GRIA2: variants seen among roughly 807,000 people sequenced by gnomAD.
The protein encoded by GRIA2 is glutamate receptor 2.
Under a neutral mutation model 97.3 loss-of-function variants are expected in GRIA2, and 14 were observed. The observed-to-expected ratio is 0.14, with a 90% CI of 0.10 to 0.23. GRIA2 has a LOEUF of 0.23. Among genes scored for constraint, GRIA2 ranks in the 10% least tolerant of loss-of-function variants. The pLI is 1.00. For synonymous variants in GRIA2, 412 were observed against 387.8 expected (o/e 1.06, Z -0.73); for missense variants, 558 against 1,069.8 (o/e 0.52, Z 6.67).
At chr4:157,265,894 A>C (rs1321138236) in intron 2 of GRIA2, among the ~76,000 whole-genome samples, 1 of 152,134 alleles carries the variant, frequency 6.6e-6, no homozygotes, top group Non-Finnish European at 1.5e-5. Context: ...ACTTTGGAGA[A>C]AAGAGTGAAA....
intron 2 of GRIA2, among the ~76,000 whole-genome samples, chr4:157,277,759 A>G (rs561583828): frequency 6.7e-6 from 1 of 149,860 alleles, no homozygotes; most frequent in South Asian, 2.1e-4. Flanking sequence ...GCAATTAAAA[A>G]TACAACCCCC....
chr4:157,222,350 T>C (rs7659862), intron 2 of GRIA2, among the ~76,000 whole-genome samples: 147,264 of 152,306 alleles, frequency 0.97, 71,235 homozygotes, highest in East Asian at 1. Context: ...GCGAGCTCCA[T>C]GTTCTCCTCT....
At chr4:157,313,836 A>G (rs1228816052) in intron 4 of GRIA2, among the ~76,000 whole-genome samples, 1 of 152,140 alleles carries the variant, frequency 6.6e-6, no homozygotes, top group African/African-American at 2.4e-5. Flanking sequence ...ACCATTGACC[A>G]GAAGCCTTAC....
chr4:157,330,753 T>A (rs989343473), intron 6 of GRIA2, among the ~76,000 whole-genome samples: 1 of 151,960 alleles, frequency 6.6e-6, no homozygotes, highest in Admixed American at 6.6e-5. Context: ...ACGATTTCCC[T>A]GATTTTTTCT....
At chr4:157,259,203 G>A (rs1289388116) in intron 2 of GRIA2, among the ~76,000 whole-genome samples, 2 of 152,098 alleles carry the variant, frequency 1.3e-5, no homozygotes, top group East Asian at 3.9e-4. Flanking sequence ...ACTCCAGCCT[G>A]GGAAACACAG....
chr4:157,237,937 GT>G (rs1730327429), intron 2 of GRIA2, among the ~76,000 whole-genome samples: 1 of 152,082 alleles, frequency 6.6e-6, no homozygotes, highest in South Asian at 2.1e-4. Context: ...TTACGATTAT[GT>G]CTTGGTTCTT....
chr4:157,249,116 T>C (rs1730911941), intron 2 of GRIA2, among the ~76,000 whole-genome samples: 1 of 152,106 alleles, frequency 6.6e-6, no homozygotes, highest in Admixed American at 6.6e-5. Context: ...ATTAAAGGCA[T>C]GAGCCATCAC....
At chr4:157,323,523 G>A (rs943805046) in intron 6 of GRIA2, among the ~76,000 whole-genome samples, 2 of 151,802 alleles carry the variant, frequency 1.3e-5, no homozygotes, top group South Asian at 2.1e-4. Flanking sequence ...GCAGGCTTCC[G>A]TCCATTCAGA....
chr4:157,356,141 A>G (rs1265369323), intron 12 of GRIA2, among the ~76,000 whole-genome samples: 3 of 126,974 alleles, frequency 2.4e-5, no homozygotes, highest in African/African-American at 9.2e-5. Context: ...ATATTTATAT[A>G]TTTATATTTA....
At chr4:157,251,719 T>G (rs757067919) in intron 2 of GRIA2, among the ~76,000 whole-genome samples, 1 of 152,128 alleles carries the variant, frequency 6.6e-6, no homozygotes, top group Non-Finnish European at 1.5e-5. Flanking sequence ...TGGCAGAGAC[T>G]ACTACAATAA....
chr4:157,220,373 C>T (rs1729428684), upstream of GRIA2: 1 of 152,222 alleles, frequency 6.6e-6, no homozygotes, highest in South Asian at 2.1e-4. Context: ...GAAGGTAGCT[C>T]CGGGCGGGGA....
At position 157,280,522 on chromosome 4, in the gene GRIA2, G is replaced by T. The variant is rs146500291; in HGVS notation, c.230-23030G>T. On this transcript the variant is annotated intron_variant, in intron 2 of 15. Coordinates refer to ENST00000264426, the MANE Select transcript of GRIA2 (RefSeq NM_001083619.3). ...CAGCTATTTGATTTCTCATGATTGT[G>T]TGGTAAGTTGTGAGTTTCTTCAACT... 6.2e-3 allele frequency among the ~76,000 whole-genome samples: 947 copies of T among 152,218 alleles called. 9 individuals carry two copies. The highest frequency in any genetic ancestry group is 0.011 in the South Asian group (55 of 4,822).
intron 13 of GRIA2, 48 bp downstream of exon 13, chr4:157,360,191 A>C (rs1736573198): frequency 6.4e-7 from 1 of 1,574,022 alleles, no homozygotes; most frequent in Non-Finnish European, 8.7e-7. Flanking sequence ...ATAGTATCCC[A>C]CCTACCCTGA....
At chr4:157,353,848 A>G (rs1435734213) in intron 12 of GRIA2, among the ~76,000 whole-genome samples, 2 of 152,298 alleles carry the variant, frequency 1.3e-5, no homozygotes, top group Non-Finnish European at 2.9e-5. Flanking sequence ...TTTATTTAAA[A>G]TGATAAATTA....
At chr4:157,221,240 G>A in intron 1 of GRIA2, 110 bp downstream of exon 1, 2 of 716,382 alleles carry the variant, frequency 2.8e-6, no homozygotes, top group Non-Finnish European at 2.5e-6. Flanking sequence ...TACCTTGACT[G>A]CATTCCAGAT....
intron 2 of GRIA2, among the ~76,000 whole-genome samples, chr4:157,274,216 T>C (rs1388045077): frequency 6.6e-6 from 1 of 151,902 alleles, no homozygotes; most frequent in East Asian, 1.9e-4. Flanking sequence ...TTGCAAGAAA[T>C]GCTAAAGAAG....
intron 2 of GRIA2, among the ~76,000 whole-genome samples, chr4:157,256,149 T>C (rs1561013038): frequency 8.8e-6 from 1 of 113,222 alleles, no homozygotes; most frequent in African/African-American, 3.4e-5. Context: ...ATTGTAATAT[T>C]ATATATTACA....
At chr4:157,355,395 G>T (rs959180959) in intron 12 of GRIA2, among the ~76,000 whole-genome samples, 4 of 151,396 alleles carry the variant, frequency 2.6e-5, no homozygotes, top group African/African-American at 9.7e-5. Context: ...AGGCGTGGTG[G>T]CACGTGCCTG....
At chr4:157,335,003 A>G (rs1190322457) in intron 9 of GRIA2, 3 of 152,256 alleles carry the variant, frequency 2.0e-5, no homozygotes, top group Non-Finnish European at 4.4e-5. Flanking sequence ...CCTCAGTGCC[A>G]CTTTCCAATG....
Sources: gnomAD v4.1 joint callset for allele counts (sites outside exome capture counted in the v4.1 genomes callset) on GRCh38, gnomAD v4.1.1 for gene constraint, MANE v1.5 for transcripts, NCBI Gene and HGNC (gene_info 2026-07-23, HGNC 2026-07-21) for gene names.